CSGALNACT1: variants seen among roughly 807,000 people sequenced by gnomAD.
CSGALNACT1 encodes the protein beta4GalNAcT-1.
CSGALNACT1 carries 52 observed loss-of-function variants against 51.0 expected under a neutral mutation model. That is an observed-to-expected ratio of 1.02 (90% confidence interval 0.82 to 1.29). CSGALNACT1 has a LOEUF of 1.29. Ranked by LOEUF, CSGALNACT1 falls within the 50% of genes most tolerant of loss-of-function variation. The pLI, the probability that CSGALNACT1 is intolerant of heterozygous loss-of-function variation, is 0.00. For missense variants in CSGALNACT1, 935 were observed against 679.2 expected (o/e 1.38, Z -4.19); for synonymous variants, 341 against 254.4 (o/e 1.34, Z -3.24).
intron 1 of CSGALNACT1, among the ~76,000 whole-genome samples, chr8:19,708,924 T>C (rs2062342069): frequency 1.3e-5 from 2 of 152,348 alleles, no homozygotes; most frequent in South Asian, 4.1e-4. Context: ...TATGTGGACT[T>C]GCACGTGTCA....
intron 1 of CSGALNACT1, among the ~76,000 whole-genome samples, chr8:19,751,941 T>C (rs1380470914): frequency 6.6e-6 from 1 of 151,962 alleles, no homozygotes; most frequent in Non-Finnish European, 1.5e-5. Flanking sequence ...CAGGTAGTTC[T>C]TTACATCATT....
intron 4 of CSGALNACT1, among the ~76,000 whole-genome samples, chr8:19,459,824 C>T (rs1016782810): frequency 2.6e-5 from 4 of 152,152 alleles, no homozygotes; most frequent in Non-Finnish European, 1.5e-5. Context: ...TTCACAACTC[C>T]CCTTTCTCTG....
At chr8:19,725,613 C>T (rs755047572) in intron 1 of CSGALNACT1, among the ~76,000 whole-genome samples, 8 of 151,786 alleles carry the variant, frequency 5.3e-5, no homozygotes, top group Non-Finnish European at 5.9e-5. Context: ...TTAGTAAAGA[C>T]GGGCTTTCAT....
intron 1 of CSGALNACT1, among the ~76,000 whole-genome samples, chr8:19,621,835 G>T (rs1056841020): frequency 6.6e-6 from 1 of 152,206 alleles, no homozygotes; most frequent in Non-Finnish European, 1.5e-5. Flanking sequence ...TCAATGGCAA[G>T]AGTGATTCCT....
At chr8:19,658,429 G>A (rs1299547215) in intron 1 of CSGALNACT1, among the ~76,000 whole-genome samples, 3 of 152,166 alleles carry the variant, frequency 2.0e-5, no homozygotes, top group Non-Finnish European at 4.4e-5. Flanking sequence ...GTCAAAGAGA[G>A]GAATCTCAAA....
At chr8:19,668,826 T>C (rs2059576780) in intron 1 of CSGALNACT1, among the ~76,000 whole-genome samples, 1 of 152,204 alleles carries the variant, frequency 6.6e-6, no homozygotes, top group South Asian at 2.1e-4. Flanking sequence ...GTGCTGGGAT[T>C]ACAGGAGTGA....
intron 1 of CSGALNACT1, among the ~76,000 whole-genome samples, chr8:19,676,186 G>T (rs1310671142): frequency 6.6e-6 from 1 of 151,298 alleles, no homozygotes; most frequent in African/African-American, 2.4e-5. Flanking sequence ...AATTACTCAA[G>T]GCACAAAGAA....
chr8:19,447,484 A>G (rs926685507), intron 5 of CSGALNACT1, among the ~76,000 whole-genome samples: 4 of 152,182 alleles, frequency 2.6e-5, no homozygotes, highest in South Asian at 4.1e-4. Flanking sequence ...CCTTAGGGTG[A>G]TAACTCATCC....
At chr8:19,473,065 TACTTC>T (rs1279627239) in intron 4 of CSGALNACT1, among the ~76,000 whole-genome samples, 1 of 152,196 alleles carries the variant, frequency 6.6e-6, no homozygotes, top group African/African-American at 2.4e-5. Flanking sequence ...CCATAGCAAG[TACTTC>T]ACTTGCTCTA....
At chr8:19,611,808 A>T (rs1409420197) in intron 1 of CSGALNACT1, among the ~76,000 whole-genome samples, 1 of 152,144 alleles carries the variant, frequency 6.6e-6, no homozygotes, top group Non-Finnish European at 1.5e-5. Flanking sequence ...GTGATGGTGG[A>T]AGGCAAGGGG....
At chr8:19,610,026 A>G (rs1486749581) in intron 1 of CSGALNACT1, among the ~76,000 whole-genome samples, 1 of 152,020 alleles carries the variant, frequency 6.6e-6, no homozygotes, top group East Asian at 1.9e-4. Context: ...CAAGACGATC[A>G]GCCTGGCTAA....
At chr8:19,729,538 T>G (rs1240253425) in intron 1 of CSGALNACT1, among the ~76,000 whole-genome samples, 1 of 151,354 alleles carries the variant, frequency 6.6e-6, no homozygotes, top group Non-Finnish European at 1.5e-5. Context: ...TGTAGAGAGG[T>G]TTCAAGGATC....
chr8:19,751,481 C>T (rs953204952), intron 1 of CSGALNACT1, among the ~76,000 whole-genome samples: 2 of 152,084 alleles, frequency 1.3e-5, no homozygotes, highest in African/African-American at 4.8e-5. Flanking sequence ...TTATTATAAG[C>T]GCTAAGTTTA....
intron 5 of CSGALNACT1, among the ~76,000 whole-genome samples, chr8:19,455,240 A>C (rs1242574218): frequency 6.6e-6 from 1 of 152,250 alleles, no homozygotes; most frequent in East Asian, 1.9e-4. Flanking sequence ...AAATCCAAAA[A>C]TAATCTTTCA....
chr8:19,549,556 C>A (rs1026519353), intron 3 of CSGALNACT1, among the ~76,000 whole-genome samples: 5 of 151,996 alleles, frequency 3.3e-5, no homozygotes, highest in African/African-American at 9.7e-5. Flanking sequence ...ATCAAGACAG[C>A]CTGTTCTCCA....
At chr8:19,488,829 G>A (rs1379181664) in intron 4 of CSGALNACT1, among the ~76,000 whole-genome samples, 1 of 152,122 alleles carries the variant, frequency 6.6e-6, no homozygotes, top group African/African-American at 2.4e-5. Context: ...CTGTATACCT[G>A]ACACAATCAG....
rs571191555 is a variant in CSGALNACT1, at chr8:19,551,915, T to C, written c.-297+39245A>G. ...CTATATAACCGTAAGTTCAAAAATC[T>C]TTCCATCATGAAAAAAATTCAGGTT... On this transcript the variant is annotated intron_variant, in intron 3 of 9. Transcript: ENST00000454498. 2.0e-5 allele frequency among the ~76,000 whole-genome samples: 3 copies of C among 152,328 alleles called. No individual in the cohort carries two copies. The South Asian group carries it at 6.2e-4, about 32-fold the overall frequency.
chr8:19,513,005 G>A (rs1465712582), intron 3 of CSGALNACT1, among the ~76,000 whole-genome samples: 1 of 152,160 alleles, frequency 6.6e-6, no homozygotes, highest in Non-Finnish European at 1.5e-5. Context: ...GCCAACGGCA[G>A]CACAACCCAC....
chr8:19,660,252 A>T (rs1798955267), intron 1 of CSGALNACT1, among the ~76,000 whole-genome samples: 1 of 152,242 alleles, frequency 6.6e-6, no homozygotes, highest in Non-Finnish European at 1.5e-5. Context: ...CTCACCAAAA[A>T]AGATGAGAGG....
Sources: gnomAD v4.1 joint callset for allele counts (sites outside exome capture counted in the v4.1 genomes callset) on GRCh38, gnomAD v4.1.1 for gene constraint, MANE v1.5 for transcripts, NCBI Gene and HGNC (gene_info 2026-07-23, HGNC 2026-07-21) for gene names.